The following PRKCH variants were observed in gnomAD, a reference collection of about 807,000 sequenced individuals.
PRKCH encodes the protein protein kinase C eta type.
A neutral mutation model predicts 82.5 loss-of-function variants in PRKCH; 28 were observed. The observed-to-expected ratio is 0.34, with a 90% CI of 0.25 to 0.47. The LOEUF (loss-of-function observed/expected upper bound fraction) is 0.47. Among genes scored for constraint, PRKCH ranks in the 20% least tolerant of loss-of-function variants. The probability of loss-of-function intolerance (pLI) is 1.00; values close to 1 mark genes in which losing one functional copy is unlikely to be tolerated. For synonymous variants in PRKCH, 322 were observed against 327.4 expected, an observed-to-expected ratio of 0.98 and a Z score of 0.18; for missense variants, 705 against 881.8, an observed-to-expected ratio of 0.80 and a Z score of 2.54.
chr14:61,447,038 A>G (rs186638600), intron 4 of PRKCH, among the ~76,000 whole-genome samples: 28 of 152,352 alleles, frequency 1.8e-4, no homozygotes, highest in Non-Finnish European at 2.6e-4. Context: ...TCCCTAAGGC[A>G]TATAAAACCA....
intron 1 of PRKCH, among the ~76,000 whole-genome samples, chr14:61,261,643 C>T (rs970255865): frequency 1.3e-5 from 2 of 152,092 alleles, no homozygotes; most frequent in Admixed American, 1.3e-4. Flanking sequence ...AGTCTAAATT[C>T]ATCTGTTGCC....
chr14:61,322,542 C>T, intron 1 of PRKCH, 78 bp downstream of exon 1: 2 of 1,504,040 alleles, frequency 1.3e-6, no homozygotes, highest in Non-Finnish European at 8.9e-7. Flanking sequence ...CACCCGGGTC[C>T]CGCTTTCCCA....
rs1170175321 is a variant in PRKCH, at chr14:61,530,674, C to T, written c.1761+79C>T. The T allele has an allele frequency of 5.1e-6, 7 of 1,364,996 alleles. No individual in the cohort carries two copies. The African/African-American group carries it at 8.6e-5, about 17-fold the overall frequency. 84.6% of individuals were successfully genotyped at this position (1,364,996 alleles called of 1,614,324 possible). ...ATGTGCTGCTTGAGTCTTTTCAGTA[C>T]TTCCCACCAGTAAACCACTAGCTCT... On this transcript the variant is annotated intron_variant, in intron 12 of 13. Coordinates refer to ENST00000332981, the MANE Select transcript of PRKCH (RefSeq NM_006255.5).
rs142739023 is a variant in PRKCH, at chr14:61,528,010, C to G, written c.1434-1065C>G. On this transcript the variant is annotated intron_variant, in intron 10 of 13. Transcript: ENST00000332981. The stretch of plus-strand genomic sequence containing the variant: ...GAATTGTTCTCTCTTATGTTTCTCT[C>G]GTAGCACTTGGTTCATACCTTCATC... The G allele has an allele frequency of 3.9e-5, 6 of 152,216 alleles. No homozygotes were observed. In the East Asian group the frequency reaches 1.2e-3, roughly 29 times the overall value. The allele number at this position is 152,216 out of a possible 1,614,324, so 9.4% of individuals were successfully genotyped here.
At chr14:61,246,930 C>T (rs371563371) in intron 1 of PRKCH, among the ~76,000 whole-genome samples, 104 of 152,190 alleles carry the variant, frequency 6.8e-4, no homozygotes, top group African/African-American at 2.4e-3. Context: ...CCATGAGACC[C>T]TCTTCGGCCC....
Position 61,367,754 on chromosome 14 carries a change from A to G in PRKCH, c.364-23471A>G, listed in dbSNP as rs535124615. On this transcript the variant is annotated intron_variant, in intron 1 of 13. Coordinates refer to ENST00000332981, the MANE Select transcript of PRKCH (RefSeq NM_006255.5). The stretch of plus-strand genomic sequence containing the variant: ...TTTTTTTAAACAGTCTCGCTCTTTC[A>G]CCCAGGCTGGAGTGCAGTGGCGCAA... Among the ~76,000 whole-genome samples the G allele has an allele frequency of 3.7e-3, 523 of 140,004 alleles. 13 individuals are homozygous for G. The highest frequency in any genetic ancestry group is 0.013 in the African/African-American group (497 of 36,834). The allele number at this position is 140,004 out of a possible 152,430, so 91.8% of individuals were successfully genotyped here.
chr14:61,391,889 T>A (rs2046688293), intron 2 of PRKCH, among the ~76,000 whole-genome samples: 1 of 152,200 alleles, frequency 6.6e-6, no homozygotes, highest in African/African-American at 2.4e-5. Context: ...TTTCCATTAT[T>A]GTGAACATTT....
chr14:61,484,764 C>CGTTTTTTTTTTTT (rs1555392076), intron 9 of PRKCH, among the ~76,000 whole-genome samples: 2 of 121,204 alleles, frequency 1.7e-5, no homozygotes, highest in African/African-American at 6.5e-5. Flanking sequence ...ATTTGGCTTC[C>CGTTTTTTTTTTTT]TTTTTTTTTT....
At chr14:61,223,517 T>G (rs2044671795) in intron 1 of PRKCH, among the ~76,000 whole-genome samples, 1 of 152,208 alleles carries the variant, frequency 6.6e-6, no homozygotes, top group Admixed American at 6.5e-5. Flanking sequence ...CCATTTGGCT[T>G]AAGGTCAACT....
At chr14:61,201,432 CA>C in intron 1 of PRKCH, among the ~76,000 whole-genome samples, 1 of 152,246 alleles carries the variant, frequency 6.6e-6, no homozygotes, top group South Asian at 2.1e-4. Flanking sequence ...GTTATCCAAT[CA>C]GCAATAAATT....
intron 1 of PRKCH, among the ~76,000 whole-genome samples, chr14:61,187,917 A>G (rs2044375240): frequency 6.6e-6 from 1 of 152,208 alleles, no homozygotes; most frequent in Admixed American, 6.5e-5. Flanking sequence ...TCTCTGGCAC[A>G]TAGTGGGCAC....
intron 1 of PRKCH, among the ~76,000 whole-genome samples, chr14:61,362,536 C>T (rs1396350590): frequency 1.3e-5 from 2 of 152,098 alleles, no homozygotes; most frequent in Non-Finnish European, 2.9e-5. Flanking sequence ...TGAGGCTAGA[C>T]CACTCAGTTT....
rs549108291 is a variant in PRKCH at position 61,224,245 on chromosome 14, G to A, written c.-19+36577G>A. On this transcript the variant is annotated intron_variant, in intron 1 of 3. Transcript: ENST00000555185. ...ATTTTAGAATGTTTTTAGATTTACA[G>A]AAACACTGTAAAGACAGTAGAGAAA... Among the ~76,000 whole-genome samples, 3 of 152,166 alleles carry A rather than the reference G, an allele frequency of 2.0e-5. No individual in the cohort carries two copies. In the South Asian group the frequency reaches 6.2e-4, roughly 32 times the overall value.
Position 61,547,887 on chromosome 14 carries a change from G to T in PRKCH, c.1905+1G>T, listed in dbSNP as rs574405828. ...AGAACCGCCTTTCAGACCCAGAATC[G>T]TAAGTGTCCCAGGCTGTCACAGAGA... On this transcript the variant is annotated splice_donor_variant, in intron 13 of 13. Transcript: ENST00000332981. LOFTEE classifies it high-confidence loss of function. 6.2e-7 allele frequency: 1 copy of T among 1,613,408 alleles called. No homozygotes were observed. The highest frequency in any genetic ancestry group is 2.2e-5 in the East Asian group (1 of 44,856).
chr14:61,242,186 A>C (rs1044835179), intron 1 of PRKCH, among the ~76,000 whole-genome samples: 1 of 152,190 alleles, frequency 6.6e-6, no homozygotes, highest in Admixed American at 6.5e-5. Flanking sequence ...GAGCAGGAAG[A>C]GTCCCAAATT....
chr14:61,226,402 T>G (rs955723009), intron 1 of PRKCH, among the ~76,000 whole-genome samples: 1 of 152,216 alleles, frequency 6.6e-6, no homozygotes, highest in African/African-American at 2.4e-5. Context: ...TAACACAAAC[T>G]ACCCTGGCCC....
chr14:61,315,256 G>T lies in PRKCH; in HGVS notation c.-19+127588G>T, dbSNP rs2045553356. Among the ~76,000 whole-genome samples the T allele has an allele frequency of 2.0e-5, 3 of 152,182 alleles. No individual in the cohort carries two copies. The South Asian group carries it at 6.2e-4, about 32-fold the overall frequency. ...CAGTCTTCCCCTTTGTACTCAGTGT[G>T]TAGTAGCGGTAGTTTTCAATCCTAC... is the stretch of plus-strand genomic sequence containing the variant. On this transcript the variant is annotated intron_variant, in intron 1 of 3. Transcript: ENST00000555185.
intron 10 of PRKCH, among the ~76,000 whole-genome samples, chr14:61,520,911 C>G (rs1261823799): frequency 6.6e-6 from 1 of 152,152 alleles, no homozygotes; most frequent in Non-Finnish European, 1.5e-5. Flanking sequence ...AATAAACACT[C>G]CCACAAGTGT....
At chr14:61,460,897 C>G (rs1223080678) in intron 9 of PRKCH, among the ~76,000 whole-genome samples, 1 of 152,114 alleles carries the variant, frequency 6.6e-6, no homozygotes, top group Admixed American at 6.5e-5. Context: ...CACTAGTATT[C>G]AAATCTGTGT....
Sources: allele counts gnomAD v4.1 joint callset (sites outside exome capture counted in the v4.1 genomes callset), GRCh38; gene constraint gnomAD v4.1.1; transcripts MANE v1.5; gene names NCBI Gene and HGNC (gene_info 2026-07-23, HGNC 2026-07-21).